Variants in RNF125 observed in about 807,000 individuals in gnomAD.
RNF125 encodes ring finger protein 125, also known as E3 ubiquitin-protein ligase RNF125.
A neutral mutation model predicts 26.0 loss-of-function variants in RNF125; 21 were observed. The ratio of observed to expected loss-of-function variants is 0.81; its 90% CI spans 0.57 to 1.16. The LOEUF is 1.16. RNF125 is among the 50% of genes most tolerant of loss of function. RNF125 has a pLI of 0.00. For missense variants in RNF125, 270 were observed against 299.4 expected (o/e 0.90, Z 0.72); for synonymous variants, 95 against 109.2 (o/e 0.87, Z 0.81).
intron 1 of RNF125, among the ~76,000 whole-genome samples, chr18:32,024,981 T>C (rs1418678299): frequency 1.3e-5 from 2 of 151,712 alleles, no homozygotes; most frequent in Non-Finnish European, 2.9e-5. Flanking sequence ...GGAGAATCGC[T>C]TGAACCTAGG....
the RNF125 span, among the ~76,000 whole-genome samples, chr18:32,079,820 G>A: frequency 1.3e-5 from 2 of 152,078 alleles, no homozygotes; most frequent in Admixed American, 6.6e-5. Flanking sequence ...TAGGAGAAGC[G>A]GTATTATTTT....
At chr18:32,053,099 A>G (rs1598821331) in intron 4 of RNF125, among the ~76,000 whole-genome samples, 1 of 152,228 alleles carries the variant, frequency 6.6e-6, no homozygotes, top group Non-Finnish European at 1.5e-5. Context: ...GTGGTGGCTC[A>G]TGCCTGTAAT....
intron 3 of RNF125, 123 bp from the exon 4 acceptor site, chr18:32,045,519 C>A (rs892284328): frequency 1.0e-4 from 51 of 506,238 alleles, no homozygotes; most frequent in Non-Finnish European, 1.2e-4. Context: ...TGAGATCATG[C>A]CACTGCACTC....
chr18:32,051,986 C>G (rs565504447), intron 4 of RNF125, among the ~76,000 whole-genome samples: 2 of 151,992 alleles, frequency 1.3e-5, no homozygotes, highest in African/African-American at 4.8e-5. Context: ...CCACGTCCAG[C>G]CTGAGTTCTA....
chr18:32,052,712 G>T (rs1238177340), intron 4 of RNF125, among the ~76,000 whole-genome samples: 1 of 152,148 alleles, frequency 6.6e-6, no homozygotes, highest in Non-Finnish European at 1.5e-5. Context: ...ATAGAGCGGA[G>T]TGTCCATTAT....
In RNF125 at chr18:32,066,007, A is replaced by G; in HGVS notation, c.610A>G (p.Ile204Val). 1 of 1,544,982 alleles carries G rather than the reference A, an allele frequency of 6.5e-7. No homozygotes were observed. Among genetic ancestry groups the G allele is most frequent in the Non-Finnish European group, 9.0e-7 (1 of 1,117,292 alleles). Reference protein sequence around the residue: ...VSHTLFYDDFIDFNIIEEALI... With the variant: ...VSHTLFYDDFVDFNIIEEALI... ...TCACACTTTGTTTTATGATGATTTCATAGTAAGTATATTTTCTTATTTTTA... is the reference window on the plus strand; with the variant it reads ...TCACACTTTGTTTTATGATGATTTCGTAGTAAGTATATTTTCTTATTTTTA... The change falls in exon 5 of 6, where the codon ATA becomes GTA. Residue 204 changes from isoleucine to valine, a missense_variant and splice_region_variant. By Grantham distance (29) the Ile-to-Val change is conservative. Coordinates refer to ENST00000217740, the MANE Select transcript of RNF125 (RefSeq NM_017831.4).
rs900540417 is a variant in RNF125 at position 32,057,310 on chromosome 18, C to A, written c.505-8592C>A. Among the ~76,000 whole-genome samples, 6 of 150,722 alleles carry A rather than the reference C, an allele frequency of 4.0e-5. No individual in the cohort carries two copies. The East Asian group carries it at 1.2e-3, about 29-fold the overall frequency. The stretch of plus-strand genomic sequence containing the variant: ...ATATTTCTGGCCTAATTATGATTCT[C>A]AGTAAAATAGAACCCCAAATGACTT... On this transcript the variant is annotated intron_variant, in intron 4 of 5. Coordinates refer to ENST00000217740, the MANE Select transcript of RNF125 (RefSeq NM_017831.4).
intron 4 of RNF125, among the ~76,000 whole-genome samples, chr18:32,049,717 C>T (rs191173702): frequency 6.9e-4 from 105 of 152,116 alleles, no homozygotes; most frequent in African/African-American, 2.5e-3. Flanking sequence ...TCTGTAATAC[C>T]CTAGGGCTGT....
At chr18:32,019,102 G>A (rs1432980072) in intron 1 of RNF125, 75 bp downstream of exon 1, 33 of 1,541,628 alleles carry the variant, frequency 2.1e-5, no homozygotes, top group East Asian at 7.1e-5. Flanking sequence ...CATGGTGTGG[G>A]GAAGGAGGGG....
chr18:32,062,972 C>A (rs553625894), intron 4 of RNF125, among the ~76,000 whole-genome samples: 4 of 152,190 alleles, frequency 2.6e-5, no homozygotes, highest in Admixed American at 1.3e-4. Flanking sequence ...GTAATCCCAG[C>A]ACTTTGGGAG....
the RNF125 span, among the ~76,000 whole-genome samples, chr18:32,079,776 A>C: frequency 6.6e-6 from 1 of 152,186 alleles, no homozygotes; most frequent in Non-Finnish European, 1.5e-5. Flanking sequence ...ACAGAGTTCT[A>C]AAGTAAAGAT....
rs142690177 is a variant in RNF125 at position 32,047,909 on chromosome 18, G to A, written c.504+2177G>A. On this transcript the variant is annotated intron_variant, in intron 4 of 5. Transcript: ENST00000217740. Reference sequence around the variant, plus strand: ...GGGAGGCCAAGTGGGCAGATTACTTGAGGCCAAGAGTTCGAGACCAGCCTG... The same window carrying A: ...GGGAGGCCAAGTGGGCAGATTACTTAAGGCCAAGAGTTCGAGACCAGCCTG... Among the ~76,000 whole-genome samples the A allele has an allele frequency of 2.6e-3, 403 of 152,250 alleles. 1 individual carries two copies. The highest frequency in any genetic ancestry group is 0.014 in the Middle Eastern group (4 of 294).
At chr18:32,040,051 T>TTA (rs1328075261) in intron 2 of RNF125, among the ~76,000 whole-genome samples, 176 of 152,140 alleles carry the variant, frequency 1.2e-3, no homozygotes, top group African/African-American at 3.9e-3. Flanking sequence ...AGTGCTAGGA[T>TTA]TACAAGTATG....
chr18:32,052,076 A>G (rs62093943), intron 4 of RNF125, among the ~76,000 whole-genome samples: 90,842 of 151,986 alleles, frequency 0.6, 28,705 homozygotes, highest in Non-Finnish European at 0.71. Flanking sequence ...TGTGATGATT[A>G]CATCCTGGGC....
chr18:32,024,823 A>G (rs1282264566), intron 1 of RNF125, among the ~76,000 whole-genome samples: 2 of 152,126 alleles, frequency 1.3e-5, no homozygotes, highest in Non-Finnish European at 2.9e-5. Context: ...GCTCACACCT[A>G]TAATCCCAGC....
intron 3 of RNF125, among the ~76,000 whole-genome samples, chr18:32,043,102 T>A (rs1474738732): frequency 6.6e-6 from 1 of 151,842 alleles, no homozygotes; most frequent in Non-Finnish European, 1.5e-5. Context: ...TGAGCTGAGA[T>A]CTGGCCACTG....
At chr18:32,051,496 A>C (rs2039327003) in intron 4 of RNF125, among the ~76,000 whole-genome samples, 1 of 151,614 alleles carries the variant, frequency 6.6e-6, no homozygotes. Context: ...AGGAGCCTGT[A>C]ATCTCAGCTA....
Position 32,037,178 on chromosome 18 carries a change from G to A in RNF125, c.227G>A (p.Arg76Gln), listed in dbSNP as rs780329924. 8 of 1,605,610 alleles carry A rather than the reference G, an allele frequency of 5.0e-6. No homozygotes were observed. In the African/African-American group the frequency reaches 5.4e-5, roughly 11 times the overall value. Residue 76 changes from arginine (R) to glutamine (Q), a missense_variant, in exon 2 of 6, where the codon CGG becomes CAG. Transcript: ENST00000217740. ...AACAAGTGGACCTGTCCTTATTGCC[G>A]GGCATATCTTCCTTCAGAAGGAGTT... ...KNNKWTCPYC[R>Q]AYLPSEGVPA... is the part of the protein sequence containing the mutation.
intron 1 of RNF125, 117 bp downstream of exon 1, chr18:32,019,144 A>G: frequency 2.3e-6 from 3 of 1,295,648 alleles, no homozygotes; most frequent in Admixed American, 2.5e-5. Flanking sequence ...AAATTGCTGC[A>G]GGGAGAAACC....
Sources: gnomAD v4.1 joint callset for allele counts (sites outside exome capture counted in the v4.1 genomes callset) on GRCh38, gnomAD v4.1.1 for gene constraint, MANE v1.5 for transcripts, NCBI Gene and HGNC (gene_info 2026-07-23, HGNC 2026-07-21) for gene names.